RASGRP3: variants seen among roughly 807,000 people sequenced by gnomAD.
The protein encoded by RASGRP3 is RAS guanyl releasing protein 3, also known as ras guanyl-releasing protein 3.
A neutral mutation model predicts 82.7 loss-of-function variants in RASGRP3; 54 were observed. The ratio of observed to expected loss-of-function variants is 0.65; its 90% CI spans 0.52 to 0.82. The LOEUF is 0.82. RASGRP3 is among the 40% of genes least tolerant of loss of function. RASGRP3 has a pLI of 0.00. For missense variants in RASGRP3, 861 were observed against 828.9 expected (o/e 1.04, Z -0.48); for synonymous variants, 309 against 300.5 (o/e 1.03, Z -0.29).
At chr2:33,547,277 AG>A (rs1674872548) in intron 13 of RASGRP3, among the ~76,000 whole-genome samples, 1 of 149,708 alleles carries the variant, frequency 6.7e-6, no homozygotes, top group Non-Finnish European at 1.5e-5. Context: ...TTGGAGGAGC[AG>A]AAAAAATAAC....
At chr2:33,479,371 C>T (rs1311707965) in intron 1 of RASGRP3, among the ~76,000 whole-genome samples, 1 of 152,124 alleles carries the variant, frequency 6.6e-6, no homozygotes, top group Non-Finnish European at 1.5e-5. Context: ...TGGCCTTTCC[C>T]TCCAGTTTTC....
At chr2:33,449,128 A>C (rs1229512769) in intron 2 of RASGRP3, among the ~76,000 whole-genome samples, 2 of 152,220 alleles carry the variant, frequency 1.3e-5, no homozygotes, top group African/African-American at 4.8e-5. Flanking sequence ...AGTGCTGTGC[A>C]AGTGTGATTG....
intron 10 of RASGRP3, among the ~76,000 whole-genome samples, chr2:33,531,373 G>A (rs975630157): frequency 6.6e-6 from 1 of 152,204 alleles, no homozygotes; most frequent in Non-Finnish European, 1.5e-5. Flanking sequence ...ATCACCCTTT[G>A]GGCAGGTCCG....
At chr2:33,512,387 G>A (rs546481824) in intron 2 of RASGRP3, among the ~76,000 whole-genome samples, 50 of 152,228 alleles carry the variant, frequency 3.3e-4, no homozygotes, top group Admixed American at 2.0e-4. Context: ...CTACTCTTCC[G>A]TGAGTAACAG....
chr2:33,516,502 C>A, intron 3 of RASGRP3, 40 bp from the exon 4 acceptor site: 1 of 1,337,726 alleles, frequency 7.5e-7, no homozygotes, highest in Non-Finnish European at 1.1e-6. Flanking sequence ...TAAAGAATAG[C>A]ACTATTATCT....
rs1385989651 is a variant in RASGRP3, at chr2:33,524,470, A to G, written c.729A>G (p.Ala243=). The change falls in exon 9 of 18, where the codon GCA becomes GCG. Residue 243 remains alanine (A), a synonymous_variant. Coordinates refer to ENST00000403687, the MANE Select transcript of RASGRP3 (RefSeq NM_001139488.2). ...LQLKNFNTLM[A]VVGGLSHSSI... ...TCAAAAATTTTAACACCCTGATGGC[A>G]GTGGTGGGAGGCCTCAGTCATAGTT... 1 of 1,605,900 alleles carries G rather than the reference A, an allele frequency of 6.2e-7. No homozygotes were observed. Among genetic ancestry groups the G allele is most frequent in the Non-Finnish European group, 8.5e-7 (1 of 1,175,986 alleles).
intron 15 of RASGRP3, among the ~76,000 whole-genome samples, chr2:33,556,245 T>C (rs1266139612): frequency 2.9e-5 from 2 of 68,626 alleles, no homozygotes; most frequent in East Asian, 7.7e-4. Context: ...TTTTTTTTTT[T>C]TTTTTTTTTT....
Position 33,556,239 on chromosome 2 carries a change from T to G in RASGRP3, c.1579+672T>G, listed in dbSNP as rs1205213896. Among the ~76,000 whole-genome samples the G allele has an allele frequency of 1.9e-4, 3 of 16,122 alleles. No homozygotes were observed. In the East Asian group the frequency reaches 3.4e-3, roughly 19 times the overall value. 10.6% of individuals were successfully genotyped at this position (16,122 alleles called of 152,430 possible). A position where few individuals can be genotyped will look rare whatever the true frequency, so the allele number is the denominator to read the frequency against. On this transcript the variant is annotated intron_variant, in intron 15 of 17. Coordinates refer to ENST00000403687, the MANE Select transcript of RASGRP3 (RefSeq NM_001139488.2). Reference sequence around the variant, plus strand: ...ATGGTTCTTCTAATAATCTTTTTTTTTTTTTTTTTTTTTTTTTTTGAGACG... The same window carrying G: ...ATGGTTCTTCTAATAATCTTTTTTTGTTTTTTTTTTTTTTTTTTTGAGACG...
At chr2:33,446,249 C>T (rs1252803507) in intron 1 of RASGRP3, among the ~76,000 whole-genome samples, 1 of 152,178 alleles carries the variant, frequency 6.6e-6, no homozygotes, top group Non-Finnish European at 1.5e-5. Flanking sequence ...AGCTCCGCCC[C>T]TTGGGTTCAC....
At chr2:33,513,438 A>G (rs1427092299) in intron 2 of RASGRP3, among the ~76,000 whole-genome samples, 2 of 152,218 alleles carry the variant, frequency 1.3e-5, no homozygotes, top group Non-Finnish European at 2.9e-5. Context: ...TGGGACAATG[A>G]TTTGTTCATC....
At chr2:33,464,096 T>TTAA (rs141203941) in intron 2 of RASGRP3, among the ~76,000 whole-genome samples, 3,695 of 134,464 alleles carry the variant, frequency 0.027, 77 homozygotes, top group East Asian at 0.063. Context: ...ATATTCAAAC[T>TTAA]TAATAATAAT....
intron 1 of RASGRP3, among the ~76,000 whole-genome samples, chr2:33,442,875 T>C (rs1048159811): frequency 1.7e-5 from 2 of 121,042 alleles, no homozygotes; most frequent in African/African-American, 6.8e-5. Context: ...CCTACAGAAA[T>C]CACTATTGTT....
rs576423576 is a variant in RASGRP3 at position 33,556,438 on chromosome 2, G to A, written c.1579+871G>A. ...AATTTTTTGTATTTTTAGTAGAGAC[G>A]GGGTTTCACCTTGTTAGCCAGGATG... On this transcript the variant is annotated intron_variant, in intron 15 of 17. Coordinates refer to ENST00000403687, the MANE Select transcript of RASGRP3 (RefSeq NM_001139488.2). Among the ~76,000 whole-genome samples the A allele has an allele frequency of 1.4e-4, 14 of 98,876 alleles. 4 individuals are homozygous for A. The highest frequency in any genetic ancestry group is 7.3e-4 in the African/African-American group (12 of 16,540). 64.9% of individuals were successfully genotyped at this position (98,876 alleles called of 152,430 possible). A position where few individuals can be genotyped will look rare whatever the true frequency, so the allele number is the denominator to read the frequency against.
intron 1 of RASGRP3, among the ~76,000 whole-genome samples, chr2:33,487,397 T>C (rs1668487706): frequency 1.3e-5 from 2 of 152,182 alleles, no homozygotes; most frequent in Admixed American, 6.5e-5. Flanking sequence ...GGTGGAAGAA[T>C]TTTCAAAATG....
At chr2:33,459,313 T>C (rs1666221226) in intron 2 of RASGRP3, among the ~76,000 whole-genome samples, 1 of 152,096 alleles carries the variant, frequency 6.6e-6, no homozygotes, top group Admixed American at 6.6e-5. Flanking sequence ...TTTTTGTATT[T>C]TTAGTAGAGA....
intron 1 of RASGRP3, among the ~76,000 whole-genome samples, chr2:33,508,132 T>G (rs760164555): frequency 1.3e-5 from 2 of 152,120 alleles, no homozygotes; most frequent in African/African-American, 4.8e-5. Flanking sequence ...TCCCCTGCGA[T>G]TGAGAAATTG....
At chr2:33,474,739 C>A (rs568597306), upstream of RASGRP3, among the ~76,000 whole-genome samples, 1 of 152,184 alleles carries the variant, frequency 6.6e-6, no homozygotes, top group Non-Finnish European at 1.5e-5. Flanking sequence ...CCCCAGAAGC[C>A]GAACAGATGC....
chr2:33,456,181 T>C (rs1316866947), intron 2 of RASGRP3, among the ~76,000 whole-genome samples: 2 of 152,182 alleles, frequency 1.3e-5, no homozygotes, highest in Admixed American at 1.3e-4. Flanking sequence ...GAGAGGTATT[T>C]GATCCTCTTA....
intron 15 of RASGRP3, among the ~76,000 whole-genome samples, chr2:33,555,918 A>G (rs1675895803): frequency 6.6e-6 from 1 of 152,208 alleles, no homozygotes; most frequent in South Asian, 2.1e-4. Flanking sequence ...TATTTCTCTA[A>G]TGCACAGGCA....
Sources: gnomAD v4.1 joint callset for allele counts (sites outside exome capture counted in the v4.1 genomes callset) on GRCh38, gnomAD v4.1.1 for gene constraint, MANE v1.5 for transcripts, NCBI Gene and HGNC (gene_info 2026-07-23, HGNC 2026-07-21) for gene names.